The following PTPRD variants were observed in gnomAD, a reference collection of about 807,000 sequenced individuals.
PTPRD encodes the protein receptor-type tyrosine-protein phosphatase delta.
A neutral mutation model predicts 214.5 loss-of-function variants in PTPRD; 34 were observed. The observed-to-expected ratio is 0.16, with a 90% CI of 0.12 to 0.21. The LOEUF (loss-of-function observed/expected upper bound fraction) is 0.21, where lower values mean the gene tolerates loss of function less well. PTPRD is among the 10% of genes least tolerant of loss of function. PTPRD has a pLI of 1.00. For synonymous variants in PTPRD, 1,128 were observed against 845.7 expected, an observed-to-expected ratio of 1.33 and a Z score of -5.79; for missense variants, 2,545 against 2,398.7, an observed-to-expected ratio of 1.06 and a Z score of -1.27.
At chr9:9,335,339 G>A (rs945594825) in intron 9 of PTPRD, among the ~76,000 whole-genome samples, 4 of 151,968 alleles carry the variant, frequency 2.6e-5, no homozygotes, top group African/African-American at 7.2e-5. Flanking sequence ...ATGTTAATAT[G>A]AGAACACTAG....
At chr9:8,821,007 A>G (rs1236526619) in intron 11 of PTPRD, among the ~76,000 whole-genome samples, 4 of 152,128 alleles carry the variant, frequency 2.6e-5, no homozygotes, top group Non-Finnish European at 1.5e-5. Context: ...CGCACTTGAA[A>G]CTTTCAACTT....
At chr9:8,391,723 A>G (rs746525402) in intron 36 of PTPRD, among the ~76,000 whole-genome samples, 2 of 152,130 alleles carry the variant, frequency 1.3e-5, no homozygotes, top group Non-Finnish European at 2.9e-5. Flanking sequence ...CAGAATGGAG[A>G]AATCTGGGCT....
chr9:10,603,176 G>C (rs1368073799), intron 2 of PTPRD, among the ~76,000 whole-genome samples: 2 of 151,828 alleles, frequency 1.3e-5, no homozygotes, highest in Admixed American at 1.3e-4. Flanking sequence ...CCAGGGAAAG[G>C]CAGAGAGCAC....
At chr9:9,368,095 A>G (rs144377884) in intron 9 of PTPRD, among the ~76,000 whole-genome samples, 220 of 151,858 alleles carry the variant, frequency 1.4e-3, no homozygotes, top group African/African-American at 5.2e-3. Flanking sequence ...TGTACATTTT[A>G]TTTACATAAT....
intron 4 of PTPRD, among the ~76,000 whole-genome samples, chr9:9,959,859 G>T (rs373317400): frequency 2.0e-5 from 3 of 152,158 alleles, no homozygotes; most frequent in Non-Finnish European, 4.4e-5. Context: ...GATTAGAGTT[G>T]TAGACATTGG....
At chr9:9,949,079 T>C (rs965610672) in intron 4 of PTPRD, among the ~76,000 whole-genome samples, 2 of 152,094 alleles carry the variant, frequency 1.3e-5, no homozygotes, top group Admixed American at 6.6e-5. Flanking sequence ...ATTGTTCATA[T>C]GTCTCAAAAT....
intron 8 of PTPRD, among the ~76,000 whole-genome samples, chr9:9,484,651 T>C (rs1046843940): frequency 5.4e-4 from 82 of 152,282 alleles, no homozygotes; most frequent in African/African-American, 1.9e-3. Flanking sequence ...GCAACAACTC[T>C]ATGAGAAAGA....
intron 5 of PTPRD, among the ~76,000 whole-genome samples, chr9:9,778,728 G>C (rs989609226): frequency 6.6e-6 from 1 of 152,102 alleles, no homozygotes; most frequent in Non-Finnish European, 1.5e-5. Context: ...AATTACATCA[G>C]ATCCCCAAAT....
intron 2 of PTPRD, among the ~76,000 whole-genome samples, chr9:10,557,734 T>C (rs1444847773): frequency 6.6e-6 from 1 of 152,146 alleles, no homozygotes; most frequent in Non-Finnish European, 1.5e-5. Context: ...TAGAAAAACG[T>C]AGGCAGCTGG....
At chr9:9,149,098 C>G (rs1294765267) in intron 10 of PTPRD, among the ~76,000 whole-genome samples, 1 of 152,198 alleles carries the variant, frequency 6.6e-6, no homozygotes, top group African/African-American at 2.4e-5. Context: ...CTTCCGCAGT[C>G]TGACTGTTTA....
chr9:9,356,697 A>G (rs950826834), intron 9 of PTPRD, among the ~76,000 whole-genome samples: 10 of 151,362 alleles, frequency 6.6e-5, no homozygotes, highest in Admixed American at 2.0e-4. Context: ...GAGTCAGAAG[A>G]CCCATGTTTG....
At chr9:10,215,097 G>T (rs2099535291) in intron 3 of PTPRD, among the ~76,000 whole-genome samples, 1 of 151,906 alleles carries the variant, frequency 6.6e-6, no homozygotes, top group Non-Finnish European at 1.5e-5. Context: ...TTGCCTCCAA[G>T]CACAATCTTT....
chr9:10,215,252 T>C (rs2099535988), intron 3 of PTPRD, among the ~76,000 whole-genome samples: 1 of 151,536 alleles, frequency 6.6e-6, no homozygotes, highest in African/African-American at 2.4e-5. Flanking sequence ...AACAAGAGGC[T>C]CTAAGAATTG....
chr9:8,482,157 A>G, intron 30 of PTPRD, among the ~76,000 whole-genome samples: 1 of 152,174 alleles, frequency 6.6e-6, no homozygotes, highest in East Asian at 1.9e-4. Context: ...TAATACACAC[A>G]ACGTTAAACT....
intron 2 of PTPRD, among the ~76,000 whole-genome samples, chr9:10,547,062 T>G (rs1382387636): frequency 6.6e-6 from 1 of 152,098 alleles, no homozygotes; most frequent in Non-Finnish European, 1.5e-5. Flanking sequence ...CTACAGGTCA[T>G]ATGACGCTTT....
chr9:8,574,960 C>T lies in PTPRD; in HGVS notation c.353-46181G>A, dbSNP rs144727442. 3.0e-4 allele frequency among the ~76,000 whole-genome samples: 45 copies of T among 152,068 alleles called. 1 individual carries two copies. The East Asian group carries it at 8.7e-3, about 29-fold the overall frequency. ...AAAATCAATATCATATAAATAAAGA[C>T]AAATAAAAGCAAATTAATTCAACCT... On this transcript the variant is annotated intron_variant, in intron 14 of 45. Transcript: ENST00000381196.
chr9:9,107,160 T>C (rs2099799813), intron 10 of PTPRD, among the ~76,000 whole-genome samples: 2 of 152,172 alleles, frequency 1.3e-5, no homozygotes, highest in South Asian at 4.1e-4. Flanking sequence ...GAATAGAGTG[T>C]AAGAATCTAG....
intron 5 of PTPRD, among the ~76,000 whole-genome samples, chr9:9,777,155 C>G (rs1233392282): frequency 6.6e-6 from 1 of 152,086 alleles, no homozygotes; most frequent in African/African-American, 2.4e-5. Flanking sequence ...TAGAAACACT[C>G]TTACCTCTGG....
intron 8 of PTPRD, among the ~76,000 whole-genome samples, chr9:9,432,860 G>A (rs974593186): frequency 6.6e-6 from 1 of 152,156 alleles, no homozygotes; most frequent in Non-Finnish European, 1.5e-5. Context: ...CCAACACTGA[G>A]GAGAAAAAGT....
Sources: allele counts gnomAD v4.1 joint callset (sites outside exome capture counted in the v4.1 genomes callset), GRCh38; gene constraint gnomAD v4.1.1; transcripts MANE v1.5; gene names NCBI Gene and HGNC (gene_info 2026-07-23, HGNC 2026-07-21).